Variants in KIAA1217 observed in about 807,000 individuals in gnomAD.
The protein encoded by KIAA1217 is sickle tail protein homolog.
Under a neutral mutation model 163.9 loss-of-function variants are expected in KIAA1217, and 88 were observed. The observed-to-expected ratio is 0.54, with a 90% CI of 0.45 to 0.64. The LOEUF is 0.64. Among genes scored for constraint, KIAA1217 ranks in the 30% least tolerant of loss-of-function variants. The probability of loss-of-function intolerance (pLI) is 0.00; values close to 1 mark genes in which losing one functional copy is unlikely to be tolerated. For synonymous variants in KIAA1217, 903 were observed against 923.1 expected (o/e 0.98, Z 0.39); for missense variants, 2,372 against 2,475.0 (o/e 0.96, Z 0.88).
chr10:23,889,394 C>T (rs866158514), intron 1 of KIAA1217, among the ~76,000 whole-genome samples: 2 of 151,974 alleles, frequency 1.3e-5, no homozygotes, highest in South Asian at 2.1e-4. Context: ...CCTGATCAGT[C>T]ATGATGCTGA....
At chr10:23,900,505 A>T (rs1841913729) in intron 1 of KIAA1217, among the ~76,000 whole-genome samples, 1 of 152,152 alleles carries the variant, frequency 6.6e-6, no homozygotes, top group Non-Finnish European at 1.5e-5. Context: ...ATCACAAAAC[A>T]TTCAATATTT....
At chr10:24,330,801 G>A (rs972967472) in intron 2 of KIAA1217, among the ~76,000 whole-genome samples, 1 of 151,916 alleles carries the variant, frequency 6.6e-6, no homozygotes, top group African/African-American at 2.4e-5. Flanking sequence ...TTTTTGTAGA[G>A]ATGGGTTTTT....
intron 2 of KIAA1217, among the ~76,000 whole-genome samples, chr10:24,078,929 T>A (rs2061454032): frequency 6.6e-6 from 1 of 152,220 alleles, no homozygotes; most frequent in Non-Finnish European, 1.5e-5. Context: ...GGATCCCTCG[T>A]TAAAACACCC....
chr10:24,297,560 A>G (rs1243044368), intron 2 of KIAA1217, among the ~76,000 whole-genome samples: 3 of 152,186 alleles, frequency 2.0e-5, no homozygotes, highest in African/African-American at 7.2e-5. Flanking sequence ...GTTCAAGATC[A>G]TACTGGCCAA....
intron 16 of KIAA1217, among the ~76,000 whole-genome samples, chr10:24,534,705 C>A (rs752882971): frequency 4.6e-5 from 7 of 151,676 alleles, no homozygotes; most frequent in Non-Finnish European, 8.8e-5. Flanking sequence ...CATAACGAAA[C>A]CCCATCTCTA....
intron 1 of KIAA1217, among the ~76,000 whole-genome samples, chr10:23,744,594 G>A (rs976177242): frequency 5.9e-5 from 9 of 152,156 alleles, no homozygotes; most frequent in African/African-American, 1.2e-4. Flanking sequence ...TGGGAAGTAC[G>A]TGGAAAAGGC....
chr10:23,778,268 C>T (rs1180049166), intron 1 of KIAA1217, among the ~76,000 whole-genome samples: 5 of 152,136 alleles, frequency 3.3e-5, no homozygotes, highest in Middle Eastern at 3.4e-3. Flanking sequence ...GGCAGGTAGA[C>T]GCACCAGTTG....
intron 1 of KIAA1217, among the ~76,000 whole-genome samples, chr10:23,954,749 C>T (rs1306281679): frequency 2.0e-5 from 3 of 152,128 alleles, no homozygotes; most frequent in Non-Finnish European, 4.4e-5. Flanking sequence ...TCGGAGCAAA[C>T]TTGCAAGGTG....
chr10:24,501,884 A>G (rs1216928020), intron 9 of KIAA1217, among the ~76,000 whole-genome samples: 4 of 151,048 alleles, frequency 2.6e-5, no homozygotes, highest in African/African-American at 7.3e-5. Context: ...GAGTAGCTGG[A>G]ACTACAGGCG....
intron 2 of KIAA1217, among the ~76,000 whole-genome samples, chr10:24,048,520 C>T (rs573089086): frequency 1.3e-5 from 2 of 151,102 alleles, no homozygotes; most frequent in African/African-American, 4.9e-5. Context: ...TACTTGAAGT[C>T]AGGAGTTTGA....
intron 1 of KIAA1217, among the ~76,000 whole-genome samples, chr10:23,700,953 T>C (rs924916717): frequency 9.9e-5 from 15 of 152,186 alleles, no homozygotes; most frequent in African/African-American, 3.6e-4. Context: ...TCTGAATCCC[T>C]AGTGGCTAGA....
intron 2 of KIAA1217, among the ~76,000 whole-genome samples, chr10:24,315,457 C>G (rs745864017): frequency 4.6e-5 from 7 of 152,186 alleles, no homozygotes; most frequent in Non-Finnish European, 8.8e-5. Context: ...GCACAAACAG[C>G]AATTTTGTGT....
chr10:23,926,223 G>T (rs1328175653), intron 1 of KIAA1217, among the ~76,000 whole-genome samples: 1 of 152,148 alleles, frequency 6.6e-6, no homozygotes, highest in Non-Finnish European at 1.5e-5. Flanking sequence ...GGTGGAGGGG[G>T]CTGGGAAAAA....
intron 1 of KIAA1217, among the ~76,000 whole-genome samples, chr10:23,776,992 G>T (rs538938054): frequency 1.2e-3 from 180 of 152,206 alleles, no homozygotes; most frequent in Non-Finnish European, 2.0e-3. Flanking sequence ...CTGACTGTGG[G>T]TACTTTTTCT....
intron 1 of KIAA1217, among the ~76,000 whole-genome samples, chr10:23,727,927 T>C (rs1365669738): frequency 2.6e-5 from 4 of 152,196 alleles, no homozygotes; most frequent in African/African-American, 9.7e-5. Context: ...GTTAGTTTGC[T>C]GAGAATGATG....
At chr10:24,352,452 T>A (rs1400097794) in intron 2 of KIAA1217, among the ~76,000 whole-genome samples, 2 of 152,248 alleles carry the variant, frequency 1.3e-5, no homozygotes, top group East Asian at 1.9e-4. Context: ...CTGATCTGCC[T>A]ATTATAGATT....
At chr10:24,356,563 A>G (rs1417772919) in intron 2 of KIAA1217, among the ~76,000 whole-genome samples, 1 of 152,202 alleles carries the variant, frequency 6.6e-6, no homozygotes, top group Non-Finnish European at 1.5e-5. Context: ...TTAATCCCGA[A>G]TGCAACAGTG....
chr10:24,356,484 A>C (rs2049125359), intron 2 of KIAA1217, among the ~76,000 whole-genome samples: 1 of 152,178 alleles, frequency 6.6e-6, no homozygotes. Flanking sequence ...GGAGACCTCT[A>C]GTGTGGCCAA....
At chr10:24,450,262 C>G (rs1265451723) in intron 5 of KIAA1217, among the ~76,000 whole-genome samples, 1 of 152,122 alleles carries the variant, frequency 6.6e-6, no homozygotes, top group African/African-American at 2.4e-5. Flanking sequence ...GTGAAAATCA[C>G]TTTAAATTTA....
Sources: allele counts gnomAD v4.1 joint callset (sites outside exome capture counted in the v4.1 genomes callset), GRCh38; gene constraint gnomAD v4.1.1; transcripts MANE v1.5; gene names NCBI Gene and HGNC (gene_info 2026-07-23, HGNC 2026-07-21).